Variants in OPA1 observed in about 807,000 individuals in gnomAD.
OPA1 encodes the protein OPA1 mitochondrial dynamin like GTPase.
OPA1 carries 59 observed loss-of-function variants against 152.9 expected under a neutral mutation model. That is an observed-to-expected ratio of 0.39 (90% CI 0.31 to 0.48). OPA1 has a LOEUF of 0.48. Ranked by LOEUF, OPA1 falls within the 20% of genes least tolerant of loss-of-function variation. The probability of loss-of-function intolerance (pLI) is 0.96; values close to 1 mark genes in which losing one functional copy is unlikely to be tolerated. For synonymous variants in OPA1, 400 were observed against 389.9 expected (o/e 1.03, Z -0.31); for missense variants, 1,008 against 1,216.8 (o/e 0.83, Z 2.55).
intron 29 of OPA1, among the ~76,000 whole-genome samples, chr3:193,682,658 C>G (rs1282566762): frequency 6.6e-6 from 1 of 152,146 alleles, no homozygotes; most frequent in Non-Finnish European, 1.5e-5. Context: ...CTAAGTCTAT[C>G]CTGCTTGTTT....
At chr3:193,602,656 T>C (rs1220852608) in intron 1 of OPA1, among the ~76,000 whole-genome samples, 1 of 152,216 alleles carries the variant, frequency 6.6e-6, no homozygotes, top group Non-Finnish European at 1.5e-5. Context: ...ACTCAATTGA[T>C]TCAGTTAACT....
intron 29 of OPA1, chr3:193,691,672 T>A (rs1424930040): frequency 6.3e-6 from 1 of 158,494 alleles, no homozygotes; most frequent in Non-Finnish European, 1.4e-5. Flanking sequence ...TTTAGTTTTT[T>A]AAAATGGTTT....
At chr3:193,688,871 A>G (rs1721304121) in intron 29 of OPA1, among the ~76,000 whole-genome samples, 1 of 152,132 alleles carries the variant, frequency 6.6e-6, no homozygotes, top group Non-Finnish European at 1.5e-5. Context: ...CTGTGGTCCC[A>G]GCTACTTGGA....
intron 8 of OPA1, among the ~76,000 whole-genome samples, chr3:193,632,306 C>T (rs1290533016): frequency 1.3e-5 from 2 of 152,020 alleles, no homozygotes; most frequent in African/African-American, 4.8e-5. Context: ...ACAGTGAAAC[C>T]CCTTCTCTAC....
Position 193,596,351 on chromosome 3 carries a change from C to CTTAA in OPA1, c.32+2944_32+2945insAATT, listed in dbSNP as rs1199731758. On this transcript the variant is annotated intron_variant, in intron 1 of 30. Transcript: ENST00000361510. ...CTTTCCTTTCCTTTTCTTTTCTTTT[C>CTTAA]TTTTCTTTTCTTAATTTTCTTTTCT... Among the ~76,000 whole-genome samples, 475 of 137,574 alleles carry CTTAA rather than the reference C, an allele frequency of 3.5e-3. 14 individuals are homozygous for CTTAA. The highest frequency in any genetic ancestry group is 0.017 in the Admixed American group (206 of 12,468). The allele number at this position is 137,574 out of a possible 152,430, so 90.3% of individuals were successfully genotyped here. A position where few individuals can be genotyped will look rare whatever the true frequency, so the allele number is the denominator to read the frequency against.
chr3:193,680,928 A>G (rs1720030773), intron 29 of OPA1, among the ~76,000 whole-genome samples: 1 of 152,292 alleles, frequency 6.6e-6, no homozygotes, highest in East Asian at 1.9e-4. Flanking sequence ...TTTTGTGATA[A>G]TTTAAGTGTG....
intron 29 of OPA1, among the ~76,000 whole-genome samples, chr3:193,669,833 A>G (rs769323500): frequency 1.3e-5 from 2 of 152,198 alleles, no homozygotes; most frequent in Non-Finnish European, 2.9e-5. Flanking sequence ...GTGGATTACT[A>G]ACTCAGATAT....
At chr3:193,685,369 G>T (rs1471302559) in intron 29 of OPA1, among the ~76,000 whole-genome samples, 1 of 151,614 alleles carries the variant, frequency 6.6e-6, no homozygotes, top group Non-Finnish European at 1.5e-5. Context: ...GCAGGCATCA[G>T]TTGTAATTTA....
intron 26 of OPA1, among the ~76,000 whole-genome samples, chr3:193,663,219 A>T (rs1715705520): frequency 6.6e-6 from 1 of 152,130 alleles, no homozygotes; most frequent in African/African-American, 2.4e-5. Flanking sequence ...GTCAACAGTC[A>T]GTTCATGCAA....
At chr3:193,676,776 C>A (rs536207155) in intron 29 of OPA1, among the ~76,000 whole-genome samples, 2 of 152,014 alleles carry the variant, frequency 1.3e-5, no homozygotes, top group Non-Finnish European at 2.9e-5. Flanking sequence ...GTCAGGAGAT[C>A]CAGACCATCC....
rs377035935 is a variant in OPA1 at position 193,640,685 on chromosome 3, T to G, written c.1150-2080T>G. On this transcript the variant is annotated intron_variant, in intron 11 of 30. Coordinates refer to ENST00000361510, the MANE Select transcript of OPA1 (RefSeq NM_130837.3). ...TGATATTAGGATTACTGAGGTGGAC[T>G]GAAGTCCCTTTAAGTTCTGTGGACA... Among the ~76,000 whole-genome samples, 11 of 152,352 alleles carry G rather than the reference T, an allele frequency of 7.2e-5. No homozygotes were observed. In the South Asian group the frequency reaches 2.3e-3, roughly 32 times the overall value.
chr3:193,596,351 CTTTTCTTTTCTTAAT>C (rs1725539425), intron 1 of OPA1, among the ~76,000 whole-genome samples: 3 of 137,712 alleles, frequency 2.2e-5, no homozygotes, highest in African/African-American at 8.1e-5. Context: ...CTTTTCTTTT[CTTTTCTTTTCTTAAT>C]TTTCTTTTCT....
At chr3:193,643,244 A>G in intron 13 of OPA1, 129 bp from the exon 14 acceptor site, 1 of 867,848 alleles carries the variant, frequency 1.2e-6, no homozygotes, top group Non-Finnish European at 1.9e-6. Context: ...GAGAAAGAAT[A>G]CCATTTTTGT....
At chr3:193,641,135 C>T (rs1031986681) in intron 11 of OPA1, among the ~76,000 whole-genome samples, 7 of 152,160 alleles carry the variant, frequency 4.6e-5, no homozygotes, top group Non-Finnish European at 7.4e-5. Flanking sequence ...GGAGAGAAAC[C>T]TACCTTTTAC....
intron 21 of OPA1, among the ~76,000 whole-genome samples, chr3:193,653,230 G>A (rs1712960537): frequency 6.6e-6 from 1 of 152,116 alleles, no homozygotes; most frequent in Admixed American, 6.5e-5. Flanking sequence ...TTTCTTTACT[G>A]GTTGTAACTG....
chr3:193,599,678 A>G (rs545086673), intron 1 of OPA1, among the ~76,000 whole-genome samples: 1 of 152,240 alleles, frequency 6.6e-6, no homozygotes, highest in Admixed American at 6.5e-5. Flanking sequence ...CCTAGTTTCA[A>G]TCTCTTTTCC....
chr3:193,646,371 A>G (rs1560378653), intron 18 of OPA1: 1 of 155,752 alleles, frequency 6.4e-6, no homozygotes, highest in Non-Finnish European at 1.4e-5. Context: ...CTGACAACAT[A>G]TAGAACTGTG....
intron 5 of OPA1, 21 bp from the exon 6 acceptor site, chr3:193,618,848 G>T: frequency 1.9e-6 from 3 of 1,596,586 alleles, no homozygotes; most frequent in Non-Finnish European, 2.6e-6. Context: ...GAATGTAAAG[G>T]GTTGCATATT....
At chr3:193,595,861 A>G (rs932891989) in intron 1 of OPA1, among the ~76,000 whole-genome samples, 2 of 152,016 alleles carry the variant, frequency 1.3e-5, no homozygotes, top group Non-Finnish European at 2.9e-5. Context: ...TCTTAGATTG[A>G]TATGTTATGT....
Sources: gnomAD v4.1 joint callset for allele counts (sites outside exome capture counted in the v4.1 genomes callset) on GRCh38, gnomAD v4.1.1 for gene constraint, MANE v1.5 for transcripts, NCBI Gene and HGNC (gene_info 2026-07-23, HGNC 2026-07-21) for gene names.